The following GADL1 variants were observed in gnomAD, a reference collection of about 807,000 sequenced individuals.
GADL1 encodes the protein acidic amino acid decarboxylase GADL1.
A neutral mutation model predicts 69.5 loss-of-function variants in GADL1; 71 were observed. That is an observed-to-expected ratio of 1.02 (90% confidence interval 0.84 to 1.25). GADL1 has a LOEUF of 1.25. Among genes scored for constraint, GADL1 ranks in the 50% most tolerant of loss-of-function variants. GADL1 has a pLI of 0.00. For missense variants in GADL1, 737 were observed against 631.8 expected, an observed-to-expected ratio of 1.17 and a Z score of -1.79; for synonymous variants, 254 against 214.4, an observed-to-expected ratio of 1.18 and a Z score of -1.62.
At chr3:30,880,066 T>C (rs1469569153) in intron 1 of GADL1, among the ~76,000 whole-genome samples, 2 of 151,938 alleles carry the variant, frequency 1.3e-5, no homozygotes, top group Non-Finnish European at 2.9e-5. Context: ...AAAAGCACAG[T>C]AATTTTTTAA....
Position 30,850,346 on chromosome 3 carries a change from T to A in GADL1, c.536-235A>T, listed in dbSNP as rs143996136. Among the ~76,000 whole-genome samples the A allele has an allele frequency of 1.8e-3, 280 of 152,206 alleles. 1 individual carries two copies. Among genetic ancestry groups the A allele is most frequent in the African/African-American group, 6.4e-3 (265 of 41,528 alleles). ...GAAGATAAATTTTGGTTTATTCCCA[T>A]GACAGGCTTTTTTTCAAACCAAAAG... On this transcript the variant is annotated intron_variant, in intron 5 of 14. Coordinates refer to ENST00000282538, the MANE Select transcript of GADL1 (RefSeq NM_207359.3).
intron 11 of GADL1, among the ~76,000 whole-genome samples, chr3:30,809,914 T>A (rs1697321040): frequency 6.6e-6 from 1 of 152,222 alleles, no homozygotes; most frequent in Non-Finnish European, 1.5e-5. Flanking sequence ...TATTTCAATT[T>A]AAGGAGCATG....
At chr3:30,775,148 TCACGTACGTG>T (rs1174054418) in intron 14 of GADL1, among the ~76,000 whole-genome samples, 2 of 152,168 alleles carry the variant, frequency 1.3e-5, no homozygotes, top group Non-Finnish European at 2.9e-5. Context: ...TCAAATAGTC[TCACGTACGTG>T]CACATACTTG....
intron 14 of GADL1, among the ~76,000 whole-genome samples, chr3:30,733,589 C>CTTCT (rs1166467298): frequency 2.1e-5 from 2 of 93,534 alleles, no homozygotes; most frequent in Non-Finnish European, 3.9e-5. Context: ...TCCTTTTCTC[C>CTTCT]TTCCTTCCTT....
At chr3:30,785,383 T>TGG (rs1696766778) in intron 13 of GADL1, among the ~76,000 whole-genome samples, 1 of 86,994 alleles carries the variant, frequency 1.1e-5, no homozygotes, top group African/African-American at 2.9e-5. Flanking sequence ...TTTCTTTTTC[T>TGG]TTTTTTTTTT....
chr3:30,782,436 C>T (rs535968809), intron 13 of GADL1, among the ~76,000 whole-genome samples: 26 of 152,038 alleles, frequency 1.7e-4, no homozygotes, highest in Non-Finnish European at 3.4e-4. Context: ...GTAAAAACAT[C>T]AAGATTTTTG....
chr3:30,774,423 GA>G (rs929037064), intron 14 of GADL1, among the ~76,000 whole-genome samples: 4 of 152,210 alleles, frequency 2.6e-5, no homozygotes, highest in African/African-American at 9.6e-5. Flanking sequence ...TAAAGCAAGG[GA>G]AAAATGATTT....
rs1373809207 is a variant in GADL1, at chr3:30,889,087, A to T, written c.37+5491T>A. ...ATACCGAAGACTCGGTAATCTATAA[A>T]AAAAAAAAAAAAAAAAAAAAAAAAA... On this transcript the variant is annotated intron_variant, in intron 1 of 14. Coordinates refer to ENST00000282538, the MANE Select transcript of GADL1 (RefSeq NM_207359.3). Among the ~76,000 whole-genome samples the T allele has an allele frequency of 2.0e-4, 25 of 122,986 alleles. 1 individual carries two copies. Among genetic ancestry groups the T allele is most frequent in the African/African-American group, 8.6e-4 (21 of 24,422 alleles). 80.7% of individuals were successfully genotyped at this position (122,986 alleles called of 152,430 possible). A position where few individuals can be genotyped will look rare whatever the true frequency, so the allele number is the denominator to read the frequency against.
intron 12 of GADL1, among the ~76,000 whole-genome samples, chr3:30,792,231 T>G (rs1035453127): frequency 9.2e-5 from 14 of 152,198 alleles, no homozygotes; most frequent in African/African-American, 3.1e-4. Flanking sequence ...ATCAAATAAG[T>G]TTGAACACTG....
chr3:30,881,796 T>C (rs1267380800), intron 1 of GADL1, among the ~76,000 whole-genome samples: 1 of 151,988 alleles, frequency 6.6e-6, no homozygotes, highest in African/African-American at 2.4e-5. Context: ...ATAGCAGCAT[T>C]AAAAGGTGGT....
chr3:30,789,115 C>CA (rs771525758), intron 12 of GADL1, among the ~76,000 whole-genome samples: 3 of 152,160 alleles, frequency 2.0e-5, no homozygotes, highest in Non-Finnish European at 4.4e-5. Context: ...TCACTGATAT[C>CA]ACGGCTATAG....
intron 1 of GADL1, among the ~76,000 whole-genome samples, chr3:30,882,607 T>G (rs949908853): frequency 1.3e-5 from 2 of 152,008 alleles, no homozygotes; most frequent in African/African-American, 4.8e-5. Context: ...TTTACTATCG[T>G]GAATAGTGCT....
At chr3:30,802,183 C>T (rs73826113) in intron 11 of GADL1, among the ~76,000 whole-genome samples, 639 of 152,260 alleles carry the variant, frequency 4.2e-3, no homozygotes, top group African/African-American at 0.015. Context: ...TGGTATTTGG[C>T]TGCATTTGTT....
At chr3:30,778,438 T>C (rs1486093244) in intron 13 of GADL1, among the ~76,000 whole-genome samples, 170 bp from the exon 14 acceptor site, 1 of 152,182 alleles carries the variant, frequency 6.6e-6, no homozygotes, top group Admixed American at 6.6e-5. Flanking sequence ...TAACATCCTA[T>C]TTAAAAATTT....
rs559408840 is a variant in GADL1, at chr3:30,876,124, A to T, written c.38-14359T>A. Among the ~76,000 whole-genome samples, 10 of 152,162 alleles carry T rather than the reference A, an allele frequency of 6.6e-5. No individual in the cohort carries two copies. The South Asian group carries it at 1.7e-3, about 25-fold the overall frequency. ...CCATATTCTATAATGTTCTATACAT[A>T]TAATATGTTACTGTATTTAATCTTC... On this transcript the variant is annotated intron_variant, in intron 1 of 14. Transcript: ENST00000282538.
intron 1 of GADL1, among the ~76,000 whole-genome samples, chr3:30,878,343 C>T (rs1466864807): frequency 2.0e-5 from 3 of 151,854 alleles, no homozygotes; most frequent in Non-Finnish European, 4.4e-5. Flanking sequence ...TTTCTAAAAT[C>T]GTCCAGGACC....
chr3:30,891,026 T>C (rs909179721), intron 1 of GADL1, among the ~76,000 whole-genome samples: 2 of 145,536 alleles, frequency 1.4e-5, no homozygotes, highest in Non-Finnish European at 3.0e-5. Flanking sequence ...AGTATTTACT[T>C]TGCATTCTTC....
chr3:30,843,005 T>TA (rs1328316194), intron 8 of GADL1, among the ~76,000 whole-genome samples: 3 of 151,998 alleles, frequency 2.0e-5, no homozygotes, highest in Non-Finnish European at 4.4e-5. Flanking sequence ...TATTCAAACT[T>TA]AAAAACATTA....
intron 8 of GADL1, among the ~76,000 whole-genome samples, chr3:30,840,453 C>G (rs986209036): frequency 2.0e-5 from 3 of 152,036 alleles, no homozygotes; most frequent in African/African-American, 7.2e-5. Context: ...GTGACAGAGC[C>G]CTGGAGAAAC....
Sources: allele counts gnomAD v4.1 joint callset (sites outside exome capture counted in the v4.1 genomes callset), GRCh38; gene constraint gnomAD v4.1.1; transcripts MANE v1.5; gene names NCBI Gene and HGNC (gene_info 2026-07-23, HGNC 2026-07-21).